The following SLCO3A1 variants were observed in gnomAD, a reference collection of about 807,000 sequenced individuals.
The protein encoded by SLCO3A1 is solute carrier organic anion transporter family member 3A1.
In SLCO3A1, 27 loss-of-function variants were observed where a neutral mutation model predicts 63.1. The ratio of observed to expected loss-of-function variants is 0.43; its 90% CI spans 0.32 to 0.59. SLCO3A1 has a LOEUF of 0.59. Among genes scored for constraint, SLCO3A1 ranks in the 20% least tolerant of loss-of-function variants. The pLI is 0.09. For synonymous variants in SLCO3A1, 473 were observed against 409.9 expected (o/e 1.15, Z -1.86); for missense variants, 773 against 945.8 (o/e 0.82, Z 2.40).
chr15:92,099,893 C>T (rs772039882), intron 3 of SLCO3A1, among the ~76,000 whole-genome samples: 36 of 152,026 alleles, frequency 2.4e-4, no homozygotes, highest in Non-Finnish European at 4.1e-4. Context: ...GAAACCCTGT[C>T]TCTACTAAAA....
intron 2 of SLCO3A1, among the ~76,000 whole-genome samples, chr15:92,066,032 C>T (rs2047147428): frequency 6.6e-6 from 1 of 152,232 alleles, no homozygotes; most frequent in Admixed American, 6.5e-5. Flanking sequence ...GGTGAAACCA[C>T]CAGAGGAGGA....
In SLCO3A1 at chr15:91,854,314, G is replaced by C; in HGVS notation, c.180+226G>C. On this transcript the variant is annotated intron_variant, in intron 1 of 9. Transcript: ENST00000318445. This position sits in a 1 kb window ranked among gnomAD's most constrained non-coding sequence, Gnocchi z 6.4. Reference sequence around the variant, plus strand: ...ACCGTTGATGCCGGTAGCAGCTCGCGCGCGTCCGGCTGGGGCAGGGGGTGC... The same window carrying C: ...ACCGTTGATGCCGGTAGCAGCTCGCCCGCGTCCGGCTGGGGCAGGGGGTGC... The C allele has an allele frequency of 8.7e-7, 1 of 1,147,610 alleles. No individual in the cohort carries two copies. The highest frequency in any genetic ancestry group is 1.1e-6 in the Non-Finnish European group (1 of 933,386). The allele number at this position is 1,147,610 out of a possible 1,614,324, so 71.1% of individuals were successfully genotyped here. A position where few individuals can be genotyped will look rare whatever the true frequency, so the allele number is the denominator to read the frequency against.
At chr15:92,081,567 C>T (rs2047346944) in intron 2 of SLCO3A1, among the ~76,000 whole-genome samples, 1 of 152,114 alleles carries the variant, frequency 6.6e-6, no homozygotes, top group Non-Finnish European at 1.5e-5. Context: ...AGGTTTTCAC[C>T]ATGTTGGCCA....
intron 4 of SLCO3A1, among the ~76,000 whole-genome samples, chr15:92,104,798 G>A (rs2047647726): frequency 6.6e-6 from 1 of 152,120 alleles, no homozygotes; most frequent in South Asian, 2.1e-4. Context: ...TATAGGACCT[G>A]ACATTTAATA....
chr15:92,170,422 A>G (rs1381323094), downstream of SLCO3A1, among the ~76,000 whole-genome samples: 1 of 152,142 alleles, frequency 6.6e-6, no homozygotes, highest in Non-Finnish European at 1.5e-5. Flanking sequence ...CCTACGAGGT[A>G]AGTATATATT....
At chr15:91,888,782 A>T in intron 1 of SLCO3A1, among the ~76,000 whole-genome samples, 1 of 152,134 alleles carries the variant, frequency 6.6e-6, no homozygotes, top group East Asian at 1.9e-4. Context: ...CAGTAGTTAG[A>T]TACCAGCTTG....
intron 2 of SLCO3A1, among the ~76,000 whole-genome samples, chr15:92,038,360 G>C (rs749129301): frequency 2.0e-5 from 3 of 152,086 alleles, no homozygotes; most frequent in Non-Finnish European, 4.4e-5. Context: ...GAAATGCATG[G>C]GAATGTAGAA....
intron 2 of SLCO3A1, among the ~76,000 whole-genome samples, chr15:91,994,984 G>A (rs145280183): frequency 1.3e-5 from 2 of 152,256 alleles, no homozygotes; most frequent in East Asian, 1.9e-4. Context: ...TCATTCCCAC[G>A]TAGGAAAAAT....
intron 1 of SLCO3A1, among the ~76,000 whole-genome samples, chr15:91,880,048 GA>G (rs1567168506): frequency 6.6e-6 from 1 of 152,010 alleles, no homozygotes; most frequent in Non-Finnish European, 1.5e-5. Flanking sequence ...TCCTTGGAAA[GA>G]AAAAGTGCTC....
chr15:92,047,006 TAA>T (rs1171727922), intron 2 of SLCO3A1, among the ~76,000 whole-genome samples: 1 of 86,912 alleles, frequency 1.2e-5, no homozygotes, highest in African/African-American at 4.5e-5. Flanking sequence ...TATATATATA[TAA>T]ATATATATAT....
In SLCO3A1 at chr15:92,104,428, A is replaced by G. The variant is rs1339284243; in HGVS notation, c.895A>G (p.Ser299Gly). The change falls in exon 4 of 10, where the codon AGC becomes GGC. Residue 299 changes from serine to glycine, a missense_variant. Ser to Gly is a moderately conservative substitution (Grantham distance 56). Coordinates refer to ENST00000318445, the MANE Select transcript of SLCO3A1 (RefSeq NM_013272.4). The part of the protein sequence containing the change: ...LPPHSEPAME[S>G]EQAMLSEREY... ...CCCGCACTCAGAGCCCGCCATGGAA[A>G]GCGAGCAGGCCATGCTCTCCGAAAG... is the stretch of plus-strand genomic sequence containing the variant. 3.1e-6 allele frequency: 5 copies of G among 1,614,064 alleles called. No homozygotes were observed. In the African/African-American group the frequency reaches 5.3e-5, roughly 17 times the overall value.
rs567249437 is a variant in SLCO3A1 at position 92,083,563 on chromosome 15, T to C, written c.647-11318T>C. Among the ~76,000 whole-genome samples, 3 of 152,342 alleles carry C rather than the reference T, an allele frequency of 2.0e-5. No homozygotes were observed. The South Asian group carries it at 6.2e-4, about 32-fold the overall frequency. ...GCACCTGAAATTCTATTGCAATAGA[T>C]AATTGTATTCTTCAGAAGTATGTTC... On this transcript the variant is annotated intron_variant, in intron 2 of 9. Transcript: ENST00000318445.
Position 91,971,394 on chromosome 15 carries a change from C to CAAAAAAAAAAAAAAAAAAAA in SLCO3A1, c.646+54952_646+54953insAAAAAAAAAAAAAAAAAAAA, listed in dbSNP as rs796386299. On this transcript the variant is annotated intron_variant, in intron 2 of 9. Transcript: ENST00000318445. ...TGGGTGACAGAGCGAGACTCCATCT[C>CAAAAAAAAAAAAAAAAAAAA]AAAAAAAAAAAAAAAAGCAACCTCT... 3.5e-3 allele frequency among the ~76,000 whole-genome samples: 136 copies of CAAAAAAAAAAAAAAAAAAAA among 39,348 alleles called. 26 individuals are homozygous for CAAAAAAAAAAAAAAAAAAAA. The highest frequency in any genetic ancestry group is 5.3e-3 in the Non-Finnish European group (113 of 21,268). The allele number at this position is 39,348 out of a possible 152,430, so 25.8% of individuals were successfully genotyped here.
chr15:91,868,142 C>T (rs577035915), intron 1 of SLCO3A1, among the ~76,000 whole-genome samples: 1 of 151,532 alleles, frequency 6.6e-6, no homozygotes, highest in Non-Finnish European at 1.5e-5. Context: ...ACCTCTGCCT[C>T]CTGGGTTCAA....
intron 2 of SLCO3A1, among the ~76,000 whole-genome samples, chr15:92,013,283 T>A (rs576554733): frequency 1.8e-4 from 27 of 152,370 alleles, no homozygotes; most frequent in African/African-American, 6.3e-4. Context: ...TGGTATCTCA[T>A]TTCGTGGATG....
In SLCO3A1 at chr15:92,011,145, C is replaced by G. The variant is rs376816998; in HGVS notation, c.647-83736C>G. On this transcript the variant is annotated intron_variant, in intron 2 of 9. Transcript: ENST00000318445. ...TAGCAACCCCGGACATCTTGGTCTT[C>G]TGGAATGCTCCGGGCAGGGTCCTAT... Among the ~76,000 whole-genome samples the G allele has an allele frequency of 2.4e-4, 37 of 152,348 alleles. No homozygotes were observed. In the East Asian group the frequency reaches 6.8e-3, roughly 28 times the overall value.
At chr15:91,965,885 C>G (rs1264122087) in intron 2 of SLCO3A1, among the ~76,000 whole-genome samples, 1 of 152,118 alleles carries the variant, frequency 6.6e-6, no homozygotes, top group African/African-American at 2.4e-5. Flanking sequence ...GCCCTGAGGA[C>G]ATTGATTCCA....
At chr15:91,951,927 G>C (rs1449887926) in intron 2 of SLCO3A1, among the ~76,000 whole-genome samples, 1 of 152,074 alleles carries the variant, frequency 6.6e-6, no homozygotes, top group Admixed American at 6.6e-5. Context: ...GAACTGCTGT[G>C]TCGTGTTGTA....
At chr15:92,011,361 C>T (rs967233987) in intron 2 of SLCO3A1, among the ~76,000 whole-genome samples, 4 of 152,212 alleles carry the variant, frequency 2.6e-5, no homozygotes, top group Non-Finnish European at 5.9e-5. Context: ...ACAAAATCCT[C>T]TTCTCATGCT....
Sources: allele counts gnomAD v4.1 joint callset (sites outside exome capture counted in the v4.1 genomes callset), GRCh38; gene constraint gnomAD v4.1.1; non-coding constraint Gnocchi (gnomAD v3.1); transcripts MANE v1.5; gene names NCBI Gene and HGNC (gene_info 2026-07-23, HGNC 2026-07-21).